CNTN1: variants seen among roughly 807,000 people sequenced by gnomAD.
CNTN1 encodes the protein contactin 1, also known as contactin-1.
In CNTN1, 38 loss-of-function variants were observed where a neutral mutation model predicts 126.4. The ratio of observed to expected loss-of-function variants is 0.30; its 90% CI spans 0.23 to 0.39. CNTN1 has a LOEUF of 0.39. Among genes scored for constraint, CNTN1 ranks in the 10% least tolerant of loss-of-function variants. CNTN1 has a pLI of 1.00. For missense variants in CNTN1, 1,009 were observed against 1,248.4 expected (o/e 0.81, Z 2.89); for synonymous variants, 413 against 422.6 (o/e 0.98, Z 0.28).
At chr12:40,994,819 A>AACTATTC (rs1365982494) in intron 17 of CNTN1, among the ~76,000 whole-genome samples, 1 of 151,982 alleles carries the variant, frequency 6.6e-6, no homozygotes, top group East Asian at 1.9e-4. Context: ...GTTGAAATCT[A>AACTATTC]AGTTTCTATT....
chr12:40,888,242 G>T (rs559880387), intron 1 of CNTN1, among the ~76,000 whole-genome samples: 1 of 152,090 alleles, frequency 6.6e-6, no homozygotes, highest in Non-Finnish European at 1.5e-5. Flanking sequence ...TTTTTGTGAT[G>T]ATTTATATGT....
intron 23 of CNTN1, among the ~76,000 whole-genome samples, chr12:41,039,829 T>C (rs926296564): frequency 3.3e-5 from 5 of 152,066 alleles, no homozygotes; most frequent in African/African-American, 1.2e-4. Context: ...TTATTACTTC[T>C]AGTTAAAGAA....
chr12:40,962,554 G>A (rs965928412), intron 15 of CNTN1, among the ~76,000 whole-genome samples: 11 of 152,062 alleles, frequency 7.2e-5, no homozygotes, highest in African/African-American at 2.2e-4. Flanking sequence ...AGTTTTTTGT[G>A]TCATGTATGG....
At chr12:41,065,377 T>G (rs1950027836) in intron 23 of CNTN1, among the ~76,000 whole-genome samples, 2 of 152,098 alleles carry the variant, frequency 1.3e-5, no homozygotes, top group Non-Finnish European at 2.9e-5. Context: ...TTATTGATAC[T>G]CATATTAGCC....
intron 1 of CNTN1, among the ~76,000 whole-genome samples, chr12:40,764,316 T>C (rs980499047): frequency 6.6e-6 from 1 of 152,184 alleles, no homozygotes; most frequent in East Asian, 1.9e-4. Flanking sequence ...GGAAAGAGAT[T>C]AGCCTCAACT....
At chr12:41,054,869 C>T (rs1239913067) in intron 23 of CNTN1, among the ~76,000 whole-genome samples, 1 of 152,128 alleles carries the variant, frequency 6.6e-6, no homozygotes, top group African/African-American at 2.4e-5. Flanking sequence ...ATTTTCTACA[C>T]AGCTCTGCTG....
intron 1 of CNTN1, among the ~76,000 whole-genome samples, chr12:40,858,479 A>G (rs916176710): frequency 5.9e-5 from 9 of 152,146 alleles, no homozygotes; most frequent in Admixed American, 5.9e-4. Flanking sequence ...GGCAATTACT[A>G]AAAAAGTCAA....
chr12:41,038,380 G>T (rs1949317784), intron 23 of CNTN1, among the ~76,000 whole-genome samples: 1 of 152,034 alleles, frequency 6.6e-6, no homozygotes, highest in Admixed American at 6.6e-5. Flanking sequence ...CAAGATGTTG[G>T]CAGGGTTGGT....
At chr12:40,787,906 T>C (rs1384717523) in intron 1 of CNTN1, among the ~76,000 whole-genome samples, 1 of 152,126 alleles carries the variant, frequency 6.6e-6, no homozygotes. Context: ...GTGGCATCTC[T>C]TATGTAGAGG....
intron 1 of CNTN1, among the ~76,000 whole-genome samples, chr12:40,695,123 A>G (rs1391947349): frequency 6.6e-6 from 1 of 152,348 alleles, no homozygotes; most frequent in East Asian, 1.9e-4. Context: ...ATTAGGAAGT[A>G]CTTTGCAGAA....
At chr12:41,069,563 T>G (rs1192370877) in intron 23 of CNTN1, among the ~76,000 whole-genome samples, 1 of 152,028 alleles carries the variant, frequency 6.6e-6, no homozygotes, top group African/African-American at 2.4e-5. Flanking sequence ...ATTAGGTATA[T>G]CTCCTAATGC....
intron 1 of CNTN1, among the ~76,000 whole-genome samples, chr12:40,700,943 G>A (rs998160215): frequency 1.3e-5 from 2 of 152,134 alleles, no homozygotes; most frequent in South Asian, 2.1e-4. Context: ...TTATTATTCC[G>A]ATTTTGCAGA....
At chr12:40,905,919 C>T (rs979486053) in intron 1 of CNTN1, among the ~76,000 whole-genome samples, 1 of 152,144 alleles carries the variant, frequency 6.6e-6, no homozygotes, top group Non-Finnish European at 1.5e-5. Context: ...CGATGTCATG[C>T]ACAATCAAAA....
chr12:41,054,853 T>C (rs897016818), intron 23 of CNTN1, among the ~76,000 whole-genome samples: 5 of 152,142 alleles, frequency 3.3e-5, no homozygotes, highest in African/African-American at 1.2e-4. Context: ...TTCAATCATT[T>C]AATATATTTT....
chr12:40,707,287 C>T (rs1474429026), intron 1 of CNTN1, among the ~76,000 whole-genome samples: 22 of 131,386 alleles, frequency 1.7e-4, no homozygotes, highest in African/African-American at 6.4e-4. Flanking sequence ...CTCGCTCCAT[C>T]GCCCAGGCTG....
chr12:40,909,458 CTTG>C (rs983701608), intron 2 of CNTN1, among the ~76,000 whole-genome samples: 4 of 151,802 alleles, frequency 2.6e-5, no homozygotes, highest in African/African-American at 4.8e-5. Flanking sequence ...CCAGTAGATA[CTTG>C]TTGAGTGACT....
chr12:40,968,770 G>A (rs1271564009), intron 15 of CNTN1, among the ~76,000 whole-genome samples: 4 of 152,136 alleles, frequency 2.6e-5, no homozygotes, highest in Non-Finnish European at 4.4e-5. Context: ...CAGTTATAAA[G>A]CCAGAATGTG....
chr12:40,719,499 G>A (rs17128675), intron 1 of CNTN1, among the ~76,000 whole-genome samples: 6,425 of 152,210 alleles, frequency 0.042, 156 homozygotes, highest in Middle Eastern at 0.065. Flanking sequence ...GTTACTAAAT[G>A]TCACAACTGA....
intron 1 of CNTN1, among the ~76,000 whole-genome samples, chr12:40,844,969 GA>G (rs1170908657): frequency 6.6e-6 from 1 of 152,090 alleles, no homozygotes; most frequent in Non-Finnish European, 1.5e-5. Context: ...TTCAATGAAA[GA>G]AAAAGCACTC....
Sources: allele counts gnomAD v4.1 joint callset (sites outside exome capture counted in the v4.1 genomes callset), GRCh38; gene constraint gnomAD v4.1.1; transcripts MANE v1.5; gene names NCBI Gene and HGNC (gene_info 2026-07-23, HGNC 2026-07-21).